Variants in ROBO1 observed in about 807,000 individuals in gnomAD.
ROBO1 encodes roundabout guidance receptor 1.
A neutral mutation model predicts 195.9 loss-of-function variants in ROBO1; 149 were observed. The ratio of observed to expected loss-of-function variants is 0.76; its 90% CI spans 0.67 to 0.87. ROBO1 has a LOEUF of 0.87. Among genes scored for constraint, ROBO1 ranks in the 40% least tolerant of loss-of-function variants. The pLI, the probability that ROBO1 is intolerant of heterozygous loss-of-function variation, is 0.00. For missense variants in ROBO1, 1,933 were observed against 2,068.3 expected, an observed-to-expected ratio of 0.93 and a Z score of 1.27; for synonymous variants, 816 against 733.2, an observed-to-expected ratio of 1.11 and a Z score of -1.82.
At chr3:79,421,105 G>C (rs558032719) in intron 2 of ROBO1, among the ~76,000 whole-genome samples, 2 of 152,188 alleles carry the variant, frequency 1.3e-5, no homozygotes, top group South Asian at 4.1e-4. Context: ...ATTGTCCTTA[G>C]AAAAGTCATG....
intron 2 of ROBO1, among the ~76,000 whole-genome samples, chr3:79,502,297 G>A (rs928373948): frequency 6.6e-6 from 1 of 152,164 alleles, no homozygotes; most frequent in Non-Finnish European, 1.5e-5. Flanking sequence ...CGCGGCGCTT[G>A]CGGGCCAGCG....
intron 3 of ROBO1, among the ~76,000 whole-genome samples, chr3:79,043,161 C>T (rs1254614743): frequency 6.6e-6 from 1 of 152,036 alleles, no homozygotes; most frequent in Middle Eastern, 3.2e-3. Flanking sequence ...AGATGCAATT[C>T]ATCAAATGTT....
chr3:79,732,750 CT>C (rs1354065543), intron 1 of ROBO1, among the ~76,000 whole-genome samples: 1 of 152,104 alleles, frequency 6.6e-6, no homozygotes, highest in African/African-American at 2.4e-5. Flanking sequence ...TTTCCTCTTG[CT>C]TTTTTCTACT....
intron 2 of ROBO1, among the ~76,000 whole-genome samples, chr3:79,345,669 T>A (rs751998827): frequency 1.3e-5 from 2 of 152,140 alleles, no homozygotes; most frequent in Non-Finnish European, 2.9e-5. Context: ...CCACAGCCAC[T>A]TTCTAATCAT....
intron 2 of ROBO1, among the ~76,000 whole-genome samples, chr3:79,557,398 A>G (rs1003747868): frequency 5.9e-5 from 9 of 152,022 alleles, no homozygotes; most frequent in African/African-American, 2.2e-4. Flanking sequence ...TCTTTTTCAG[A>G]TATGAATTTG....
At chr3:78,853,833 G>C (rs2034234799) in intron 4 of ROBO1, among the ~76,000 whole-genome samples, 1 of 152,056 alleles carries the variant, frequency 6.6e-6, no homozygotes, top group East Asian at 1.9e-4. Flanking sequence ...CTTATGTGGT[G>C]GCAGGTAAGA....
intron 2 of ROBO1, among the ~76,000 whole-genome samples, chr3:79,179,100 T>A (rs114619824): frequency 1.3e-5 from 2 of 152,284 alleles, no homozygotes; most frequent in African/African-American, 2.4e-5. Flanking sequence ...GATGGGCTTT[T>A]CCCTCAAACG....
At chr3:78,791,256 A>G (rs1450781131) in intron 4 of ROBO1, among the ~76,000 whole-genome samples, 1 of 152,154 alleles carries the variant, frequency 6.6e-6, no homozygotes, top group Admixed American at 6.5e-5. Context: ...GAGAATCAGA[A>G]GTATTATAAT....
Position 79,093,022 on chromosome 3 carries a change from TGTTACA to T in ROBO1, c.172+32428_172+32433del, listed in dbSNP as rs1343835049. On this transcript the variant is annotated intron_variant, in intron 3 of 30. Transcript: ENST00000464233. ...TTTGCTTTTACCAAACAAAGTTACA[TGTTACA>T]GTTAATTTTCTTTTGCTGTTTTGAA... is the stretch of plus-strand genomic sequence containing the variant. Among the ~76,000 whole-genome samples, 17 of 152,310 alleles carry T rather than the reference TGTTACA, an allele frequency of 1.1e-4. No homozygotes were observed. In the East Asian group the frequency reaches 1.4e-3, roughly 12 times the overall value.
At position 78,997,947 on chromosome 3, in the gene ROBO1, A is replaced by G. The variant is rs1576537692; in HGVS notation, c.173-59020T>C. Among the ~76,000 whole-genome samples the G allele has an allele frequency of 2.0e-5, 3 of 152,316 alleles. No homozygotes were observed. The South Asian group carries it at 6.2e-4, about 32-fold the overall frequency. ...AACACATAAAGACCTTAATGTGTAA[A>G]CATGAATGAATTTCTGTTTTAGTAT... On this transcript the variant is annotated intron_variant, in intron 3 of 30. Coordinates refer to ENST00000464233, the MANE Select transcript of ROBO1 (RefSeq NM_002941.4).
At chr3:79,644,630 C>T (rs1326215280) in intron 1 of ROBO1, among the ~76,000 whole-genome samples, 1 of 152,184 alleles carries the variant, frequency 6.6e-6, no homozygotes, top group African/African-American at 2.4e-5. Flanking sequence ...TTACCTTTCA[C>T]TGGGTCCTGC....
intron 3 of ROBO1, among the ~76,000 whole-genome samples, chr3:79,054,360 G>GA (rs2078762461): frequency 6.6e-6 from 1 of 152,108 alleles, no homozygotes; most frequent in Non-Finnish European, 1.5e-5. Context: ...AGATGCTGTT[G>GA]AAAAATTTGT....
chr3:79,149,597 A>C (rs983133612), intron 2 of ROBO1, among the ~76,000 whole-genome samples: 1 of 151,594 alleles, frequency 6.6e-6, no homozygotes, highest in Non-Finnish European at 1.5e-5. Flanking sequence ...TATTAGGTGA[A>C]AGGGACTCAG....
At chr3:79,727,882 T>C (rs764840336) in intron 1 of ROBO1, among the ~76,000 whole-genome samples, 3 of 152,140 alleles carry the variant, frequency 2.0e-5, no homozygotes, top group Non-Finnish European at 2.9e-5. Context: ...ATAGTACCTA[T>C]ACAATTTAGT....
At chr3:78,878,215 C>T (rs963182757) in intron 4 of ROBO1, among the ~76,000 whole-genome samples, 1 of 152,094 alleles carries the variant, frequency 6.6e-6, no homozygotes, top group East Asian at 1.9e-4. Flanking sequence ...CCAGTTCAAA[C>T]CCAAACCTCA....
In ROBO1 at chr3:79,545,167, CAAGGA is replaced by C. The variant is rs751738110; in HGVS notation, c.88+44652_88+44656del. Among the ~76,000 whole-genome samples, 52 of 152,068 alleles carry C rather than the reference CAAGGA, an allele frequency of 3.4e-4. No individual in the cohort carries two copies. In the South Asian group the frequency reaches 3.5e-3, roughly 10 times the overall value. On this transcript the variant is annotated intron_variant, in intron 2 of 30. Transcript: ENST00000464233. ...GAAGATTAAATAAACTGCAGAGTTC[CAAGGA>C]AATTGCATGTGGACACATCGTGAAT... is the stretch of plus-strand genomic sequence containing the variant.
At chr3:79,015,238 C>T (rs114259074) in intron 3 of ROBO1, among the ~76,000 whole-genome samples, 1 of 151,960 alleles carries the variant, frequency 6.6e-6, no homozygotes, top group East Asian at 1.9e-4. Context: ...CTAGCCAGAT[C>T]GTATCGGAAC....
intron 4 of ROBO1, among the ~76,000 whole-genome samples, chr3:78,835,679 A>G (rs2032649305): frequency 1.3e-5 from 2 of 152,234 alleles, no homozygotes; most frequent in South Asian, 4.1e-4. Context: ...AAATTCTTAC[A>G]TTTAATTGAC....
chr3:79,642,638 C>T (rs1332489558), intron 1 of ROBO1, among the ~76,000 whole-genome samples: 1 of 151,996 alleles, frequency 6.6e-6, no homozygotes, highest in African/African-American at 2.4e-5. Flanking sequence ...TAAAATATTG[C>T]TATACAAAAA....
Sources: gnomAD v4.1 joint callset for allele counts (sites outside exome capture counted in the v4.1 genomes callset) on GRCh38, gnomAD v4.1.1 for gene constraint, MANE v1.5 for transcripts, NCBI Gene and HGNC (gene_info 2026-07-23, HGNC 2026-07-21) for gene names.